APLF: variants seen among roughly 807,000 people sequenced by gnomAD.
APLF encodes the protein aprataxin and PNKP like factor.
APLF carries 61 observed loss-of-function variants against 55.6 expected under a neutral mutation model. The ratio of observed to expected loss-of-function variants is 1.10; its 90% CI spans 0.89 to 1.36. The LOEUF is 1.36. Among genes scored for constraint, APLF ranks in the 40% most tolerant of loss-of-function variants. The pLI is 0.00. For synonymous variants in APLF, 207 were observed against 214.8 expected (o/e 0.96, Z 0.32); for missense variants, 611 against 602.5 (o/e 1.01, Z -0.15).
In APLF at chr2:68,538,004, A is replaced by G; in HGVS notation, c.937A>G (p.Arg313Gly). The change falls in exon 7 of 10, where the codon AGA becomes GGA. Residue 313 changes from arginine to glycine, a missense_variant. Arg to Gly is a moderately radical substitution (Grantham distance 125, BLOSUM62 -2). Transcript: ENST00000303795. ...KVSKHKIATK[R>G]TPHKEDEAMS... ...TTCTAAACATAAAATTGCCACTAAA[A>G]GAACACCACATAAAGAAGATGAGGC... The G allele has an allele frequency of 7.1e-7, 1 of 1,406,630 alleles. No individual in the cohort carries two copies. Among genetic ancestry groups the G allele is most frequent in the Non-Finnish European group, 9.9e-7 (1 of 1,014,562 alleles). The allele number at this position is 1,406,630 out of a possible 1,614,324, so 87.1% of individuals were successfully genotyped here.
At chr2:68,493,991 C>T (rs188566199) in intron 2 of APLF, among the ~76,000 whole-genome samples, 11 of 151,098 alleles carry the variant, frequency 7.3e-5, no homozygotes, top group Non-Finnish European at 1.5e-5. Context: ...GCCTGTAGTC[C>T]CAGCTACTCA....
At chr2:68,575,430 A>G (rs546398589) in intron 9 of APLF, among the ~76,000 whole-genome samples, 1 of 152,206 alleles carries the variant, frequency 6.6e-6, no homozygotes, top group South Asian at 2.1e-4. Flanking sequence ...GTAAATAAAG[A>G]CTTTAGATTT....
At chr2:68,552,184 G>A (rs932419399) in intron 8 of APLF, among the ~76,000 whole-genome samples, 41 of 152,044 alleles carry the variant, frequency 2.7e-4, no homozygotes, top group Admixed American at 2.7e-3. Flanking sequence ...CCTCCAGTGG[G>A]ACTTTGTCTC....
chr2:68,476,627 A>G (rs979565558), intron 1 of APLF, among the ~76,000 whole-genome samples: 9 of 152,044 alleles, frequency 5.9e-5, no homozygotes, highest in Admixed American at 4.6e-4. Context: ...ATAGGTATAT[A>G]TATTTTATTC....
At chr2:68,502,594 TAA>T (rs1375517274) in intron 2 of APLF, 135 bp from the exon 3 acceptor site, 35 of 474,618 alleles carry the variant, frequency 7.4e-5, no homozygotes, top group Non-Finnish European at 1.0e-4. Flanking sequence ...CTTTTAAGTC[TAA>T]GTTTATGCTT....
intron 1 of APLF, among the ~76,000 whole-genome samples, chr2:68,469,940 A>G (rs1675566374): frequency 6.6e-6 from 1 of 152,230 alleles, no homozygotes; most frequent in Non-Finnish European, 1.5e-5. Flanking sequence ...CTGACTGTGT[A>G]AAATAGTCTT....
At chr2:68,545,150 T>G (rs747452042) in intron 7 of APLF, 37 bp from the exon 8 acceptor site, 1 of 936,378 alleles carries the variant, frequency 1.1e-6, no homozygotes, top group East Asian at 2.7e-5. Flanking sequence ...GAATATCCTA[T>G]TTTTTTTTTC....
intron 3 of APLF, among the ~76,000 whole-genome samples, chr2:68,505,903 G>A (rs1676861602): frequency 1.3e-5 from 2 of 151,948 alleles, no homozygotes; most frequent in Non-Finnish European, 2.9e-5. Flanking sequence ...CCTCCCTGGT[G>A]GTGAGGCTGG....
chr2:68,518,840 G>GTCATTATA (rs1474077099), intron 5 of APLF, among the ~76,000 whole-genome samples: 1 of 101,988 alleles, frequency 9.8e-6, no homozygotes, highest in Non-Finnish European at 1.9e-5. Flanking sequence ...TCATTAATAT[G>GTCATTATA]TAATAAAATA....
At chr2:68,517,237 T>C (rs1300360865) in intron 5 of APLF, among the ~76,000 whole-genome samples, 1 of 107,520 alleles carries the variant, frequency 9.3e-6, no homozygotes, top group Non-Finnish European at 1.8e-5. Flanking sequence ...TATATTAATA[T>C]ATGTCATTAC....
chr2:68,469,568 A>G (rs1675554390), intron 1 of APLF, among the ~76,000 whole-genome samples: 1 of 152,234 alleles, frequency 6.6e-6, no homozygotes, highest in African/African-American at 2.4e-5. Flanking sequence ...GTTGGCGTGT[A>G]TCAGAAGTGG....
rs1671681111 is a variant in APLF, at chr2:68,578,489, G to A, written c.*467G>A. On this transcript the variant is annotated 3_prime_UTR_variant, in exon 10 of 10. Coordinates refer to ENST00000303795, the MANE Select transcript of APLF (RefSeq NM_173545.3). ...TTAAAAAATGCAGCCATTACATAATGGCGTTTTTTTTCTAGTACCTTAGAT... is the reference window on the plus strand; with the variant it reads ...TTAAAAAATGCAGCCATTACATAATAGCGTTTTTTTTCTAGTACCTTAGAT... 1.0e-6 allele frequency: 1 copy of A among 986,938 alleles called. No individual in the cohort carries two copies. Among genetic ancestry groups the A allele is most frequent in the African/African-American group, 1.7e-5 (1 of 57,320 alleles). 61.1% of individuals were successfully genotyped at this position (986,938 alleles called of 1,614,324 possible).
intron 7 of APLF, among the ~76,000 whole-genome samples, chr2:68,543,426 T>G (rs1037474844): frequency 2.0e-5 from 3 of 152,092 alleles, no homozygotes; most frequent in African/African-American, 7.2e-5. Flanking sequence ...TACTGCCATG[T>G]GAAAAAACAA....
chr2:68,565,607 CAA>C (rs1261639643), intron 8 of APLF, among the ~76,000 whole-genome samples: 1 of 151,878 alleles, frequency 6.6e-6, no homozygotes, highest in African/African-American at 2.4e-5. Flanking sequence ...GTGCTGGAAA[CAA>C]GAAGACAAAT....
At chr2:68,490,051 A>G (rs1490847513) in intron 1 of APLF, 139 bp from the exon 2 acceptor site, 28 of 499,648 alleles carry the variant, frequency 5.6e-5, no homozygotes, top group Non-Finnish European at 8.3e-5. Flanking sequence ...ATTTCAATAT[A>G]CAGTTGTTGA....
At chr2:68,549,195 A>G (rs1469605381) in intron 8 of APLF, among the ~76,000 whole-genome samples, 1 of 151,912 alleles carries the variant, frequency 6.6e-6, no homozygotes, top group Non-Finnish European at 1.5e-5. Context: ...CTTGCTATAT[A>G]TTTGTTGAAG....
chr2:68,546,342 A>G (rs1212145367), intron 8 of APLF, among the ~76,000 whole-genome samples: 1 of 152,054 alleles, frequency 6.6e-6, no homozygotes, highest in African/African-American at 2.4e-5. Context: ...CAAACATTTA[A>G]AGAAGAAGCA....
chr2:68,521,264 T>C (rs959616275), intron 5 of APLF, among the ~76,000 whole-genome samples: 1 of 151,772 alleles, frequency 6.6e-6, no homozygotes, highest in African/African-American at 2.4e-5. Flanking sequence ...TCTAGGTATA[T>C]GATTATATCG....
chr2:68,549,484 A>G (rs568838497), intron 8 of APLF, among the ~76,000 whole-genome samples: 8 of 152,222 alleles, frequency 5.3e-5, no homozygotes, highest in Admixed American at 2.6e-4. Flanking sequence ...TTATTGATTT[A>G]TAATTTAATT....
Sources: allele counts gnomAD v4.1 joint callset (sites outside exome capture counted in the v4.1 genomes callset), GRCh38; gene constraint gnomAD v4.1.1; transcripts MANE v1.5; gene names NCBI Gene and HGNC (gene_info 2026-07-23, HGNC 2026-07-21).